RNGTT: variants seen among roughly 807,000 people sequenced by gnomAD.
RNGTT encodes the protein mRNA-capping enzyme.
Under a neutral mutation model 79.3 loss-of-function variants are expected in RNGTT, and 33 were observed. The ratio of observed to expected loss-of-function variants is 0.42; its 90% CI spans 0.32 to 0.56. The LOEUF (loss-of-function observed/expected upper bound fraction) is 0.56. Ranked by LOEUF, RNGTT falls within the 20% of genes least tolerant of loss-of-function variation. The probability of loss-of-function intolerance (pLI) is 0.17; values close to 1 mark genes in which losing one functional copy is unlikely to be tolerated. For synonymous variants in RNGTT, 222 were observed against 235.9 expected (o/e 0.94, Z 0.54); for missense variants, 497 against 739.1 (o/e 0.67, Z 3.80).
At chr6:88,775,968 T>C (rs1778863407) in intron 12 of RNGTT, among the ~76,000 whole-genome samples, 1 of 152,220 alleles carries the variant, frequency 6.6e-6, no homozygotes, top group Admixed American at 6.5e-5. Context: ...GGTTTCCATA[T>C]GCAGGCTGTT....
chr6:88,832,205 A>G (rs1182934899), intron 11 of RNGTT, among the ~76,000 whole-genome samples: 6 of 152,242 alleles, frequency 3.9e-5, no homozygotes, highest in Non-Finnish European at 8.8e-5. Context: ...ACAAGGCTAC[A>G]GTAACCAAAA....
chr6:88,806,788 C>T (rs1478200363), intron 11 of RNGTT, among the ~76,000 whole-genome samples: 1 of 152,152 alleles, frequency 6.6e-6, no homozygotes, highest in Non-Finnish European at 1.5e-5. Context: ...AAGATATATG[C>T]ATGTGTAAAT....
At chr6:88,803,629 T>C (rs1045684324) in intron 11 of RNGTT, among the ~76,000 whole-genome samples, 20 of 140,236 alleles carry the variant, frequency 1.4e-4, no homozygotes, top group African/African-American at 4.5e-4. Context: ...TGAGCAATGA[T>C]GCAATAAAAA....
intron 13 of RNGTT, among the ~76,000 whole-genome samples, chr6:88,707,050 T>C (rs1776152201): frequency 1.3e-5 from 2 of 152,200 alleles, no homozygotes; most frequent in Non-Finnish European, 2.9e-5. Flanking sequence ...CATTGATTAT[T>C]TGAGAAATTT....
At chr6:88,642,099 G>A (rs970404761) in intron 14 of RNGTT, among the ~76,000 whole-genome samples, 2 of 152,130 alleles carry the variant, frequency 1.3e-5, no homozygotes, top group Non-Finnish European at 2.9e-5. Context: ...CTTTCTCCAG[G>A]AGGGTGTAGA....
chr6:88,916,047 A>G (rs1562318297), intron 4 of RNGTT, among the ~76,000 whole-genome samples: 1 of 152,240 alleles, frequency 6.6e-6, no homozygotes, highest in Non-Finnish European at 1.5e-5. Context: ...AATGCGAGTT[A>G]AAACCACAAT....
intron 13 of RNGTT, among the ~76,000 whole-genome samples, chr6:88,730,275 A>G (rs1582392566): frequency 6.6e-6 from 1 of 152,114 alleles, no homozygotes; most frequent in South Asian, 2.1e-4. Flanking sequence ...CATTCCCATT[A>G]CCTGCTCTGT....
chr6:88,878,189 G>A (rs982392790), intron 8 of RNGTT, among the ~76,000 whole-genome samples: 4 of 151,846 alleles, frequency 2.6e-5, no homozygotes, highest in East Asian at 1.9e-4. Context: ...TCCGCCTCCC[G>A]GGTCCAAACG....
intron 13 of RNGTT, among the ~76,000 whole-genome samples, chr6:88,689,019 G>C (rs540292997): frequency 2.0e-5 from 3 of 152,234 alleles, no homozygotes; most frequent in Non-Finnish European, 2.9e-5. Flanking sequence ...TATGTTATTG[G>C]TAAGGCTTCC....
chr6:88,712,153 A>G (rs1171601308), intron 13 of RNGTT, among the ~76,000 whole-genome samples: 3 of 152,200 alleles, frequency 2.0e-5, no homozygotes, highest in African/African-American at 2.4e-5. Flanking sequence ...ACTTGAGAAT[A>G]GGCAAAGTGT....
At chr6:88,795,338 C>G (rs1045000968) in intron 12 of RNGTT, among the ~76,000 whole-genome samples, 2 of 152,176 alleles carry the variant, frequency 1.3e-5, no homozygotes, top group African/African-American at 4.8e-5. Context: ...TTTCCATCTA[C>G]AAACTCAGTA....
intron 6 of RNGTT, among the ~76,000 whole-genome samples, chr6:88,893,277 A>G (rs1465586469): frequency 6.6e-6 from 1 of 152,110 alleles, no homozygotes; most frequent in Non-Finnish European, 1.5e-5. Context: ...TTCAATATTA[A>G]GCATCCTAAT....
chr6:88,714,636 G>A (rs1776441549), intron 13 of RNGTT, among the ~76,000 whole-genome samples: 1 of 98,298 alleles, frequency 1.0e-5, no homozygotes, highest in Non-Finnish European at 1.8e-5. Flanking sequence ...TAGAGACGGG[G>A]TTTCACCGTT....
intron 14 of RNGTT, among the ~76,000 whole-genome samples, chr6:88,622,975 T>C (rs918311009): frequency 6.6e-6 from 1 of 152,056 alleles, no homozygotes; most frequent in African/African-American, 2.4e-5. Flanking sequence ...GGAGAAAATA[T>C]TGTGTAACAG....
chr6:88,948,451 C>T (rs1785106377), intron 1 of RNGTT, among the ~76,000 whole-genome samples: 1 of 142,780 alleles, frequency 7.0e-6, no homozygotes, highest in Non-Finnish European at 1.6e-5. Flanking sequence ...GTGAGGAGCC[C>T]CTCTGCCCGG....
At chr6:88,682,913 T>C (rs1455764216) in intron 13 of RNGTT, among the ~76,000 whole-genome samples, 1 of 152,194 alleles carries the variant, frequency 6.6e-6, no homozygotes, top group Non-Finnish European at 1.5e-5. Flanking sequence ...AAAATCATAA[T>C]TGAAATTATG....
chr6:88,777,316 T>C (rs2127847280), intron 12 of RNGTT, among the ~76,000 whole-genome samples: 1 of 152,278 alleles, frequency 6.6e-6, no homozygotes, highest in African/African-American at 2.4e-5. Flanking sequence ...CAAAATTGCT[T>C]TGGCTTTTTC....
intron 6 of RNGTT, among the ~76,000 whole-genome samples, chr6:88,900,997 C>G (rs1173191301): frequency 1.3e-5 from 2 of 151,648 alleles, no homozygotes; most frequent in South Asian, 4.2e-4. Flanking sequence ...CAAAAATTAG[C>G]TGGGTGTGGT....
intron 13 of RNGTT, among the ~76,000 whole-genome samples, chr6:88,713,116 A>G (rs1340560897): frequency 6.6e-6 from 1 of 152,080 alleles, no homozygotes; most frequent in African/African-American, 2.4e-5. Flanking sequence ...CTAACCCTCA[A>G]AGAGATGGTA....
Sources: allele counts gnomAD v4.1 joint callset (sites outside exome capture counted in the v4.1 genomes callset), GRCh38; gene constraint gnomAD v4.1.1; transcripts MANE v1.5; gene names NCBI Gene and HGNC (gene_info 2026-07-23, HGNC 2026-07-21).